NCOR2: variants seen among roughly 807,000 people sequenced by gnomAD.
NCOR2 encodes the protein nuclear receptor corepressor 2, also known as CTG repeat protein 26.
A neutral mutation model predicts 262.9 loss-of-function variants in NCOR2; 81 were observed. That is an observed-to-expected ratio of 0.31 (90% CI 0.26 to 0.37). The LOEUF is 0.37. NCOR2 is among the 10% of genes least tolerant of loss of function. The pLI is 1.00. For missense variants in NCOR2, 3,385 were observed against 3,621.4 expected (o/e 0.93, Z 1.68); for synonymous variants, 1,659 against 1,559.3 (o/e 1.06, Z -1.51).
At chr12:124,484,880 AGTAG>A (rs1268928016) in intron 2 of NCOR2, among the ~76,000 whole-genome samples, 1 of 152,194 alleles carries the variant, frequency 6.6e-6, no homozygotes, top group Non-Finnish European at 1.5e-5. Context: ...ACTGGCGCAC[AGTAG>A]GTGTTCAATC....
intron 15 of NCOR2, among the ~76,000 whole-genome samples, chr12:124,399,031 G>A (rs1003991367): frequency 1.3e-5 from 2 of 152,278 alleles, no homozygotes; most frequent in East Asian, 1.9e-4. Flanking sequence ...TGCGAGGGAC[G>A]TCAGCTCCAT....
intron 12 of NCOR2, 135 bp from the exon 15 acceptor site, chr12:124,420,190 C>T: frequency 3.1e-6 from 2 of 635,842 alleles, no homozygotes; most frequent in South Asian, 3.6e-5. Flanking sequence ...GATGACCTAA[C>T]CTCTGTGTCT....
At chr12:124,393,864 A>G (rs983455417) in intron 16 of NCOR2, among the ~76,000 whole-genome samples, 3 of 152,282 alleles carry the variant, frequency 2.0e-5, no homozygotes, top group African/African-American at 7.2e-5. Flanking sequence ...CCCAGCACGC[A>G]GGATGGGCTC....
intron 42 of NCOR2, among the ~76,000 whole-genome samples, 170 bp downstream of exon 44, chr12:124,332,960 G>A (rs923922107): frequency 6.6e-6 from 1 of 152,118 alleles, no homozygotes; most frequent in Non-Finnish European, 1.5e-5. Flanking sequence ...AGGGAGGGTG[G>A]GCATGTATCA....
At chr12:124,346,423 G>A (rs2036938043) in intron 31 of NCOR2, 141 bp downstream of exon 33, 16 of 933,614 alleles carry the variant, frequency 1.7e-5, no homozygotes, top group African/African-American at 5.2e-5. Flanking sequence ...GCTGAGGCCC[G>A]GTGATGAGCA....
At chr12:124,418,800 C>A (rs570531873) in intron 13 of NCOR2, among the ~76,000 whole-genome samples, 3 of 152,328 alleles carry the variant, frequency 2.0e-5, no homozygotes, top group Middle Eastern at 6.8e-3. Flanking sequence ...AAAAGCTGGT[C>A]CCTCCAGTCC....
Position 124,495,075 on chromosome 12 carries a change from G to A in NCOR2, c.105+72C>T, listed in dbSNP as rs1219848994. On this transcript the variant is annotated intron_variant, in intron 1 of 46. Transcript: ENST00000405201. The surrounding 1 kb of genome is among the most constrained non-coding windows in gnomAD (Gnocchi z 4.4). ...AGCCTGGCTCCCAGGAGAAAGGAAG[G>A]GGTGAAGACTCAGTGGAATGGAAGA... is the stretch of plus-strand genomic sequence containing the variant. The A allele has an allele frequency of 1.3e-6, 2 of 1,551,074 alleles. No individual in the cohort carries two copies. Among genetic ancestry groups the A allele is most frequent in the African/African-American group, 2.7e-5 (2 of 73,324 alleles).
chr12:124,479,245 C>T (rs1392371862), intron 3 of NCOR2, among the ~76,000 whole-genome samples: 1 of 150,208 alleles, frequency 6.7e-6, no homozygotes, highest in Non-Finnish European at 1.5e-5. Context: ...TGCACATGCA[C>T]ACACACGCAC....
At chr12:124,366,429 G>A (rs1285223270) in intron 20 of NCOR2, among the ~76,000 whole-genome samples, 3 of 152,186 alleles carry the variant, frequency 2.0e-5, no homozygotes. Context: ...TGCCAGGGCT[G>A]GGAGGAGGGA....
At chr12:124,383,163 G>A (rs2040537111) in intron 17 of NCOR2, among the ~76,000 whole-genome samples, 1 of 152,224 alleles carries the variant, frequency 6.6e-6, no homozygotes, top group African/African-American at 2.4e-5. Flanking sequence ...GCCACCCAGT[G>A]TATTCCCATA....
At chr12:124,446,800 AATT>A (rs2136477623) in intron 7 of NCOR2, among the ~76,000 whole-genome samples, 1 of 152,350 alleles carries the variant, frequency 6.6e-6, no homozygotes, top group South Asian at 2.1e-4. Context: ...AAAAAACTAA[AATT>A]ATTAGGACAA....
Position 124,326,375 on chromosome 12 carries a change from A to C in NCOR2, c.7184-5T>G. ...CCTTGGCCTTCCCGCCGCCACCTGC[A>C]GGGGGACAAGATGGGAAGGGGCTGC... On this transcript the variant is annotated splice_region_variant and splice_polypyrimidine_tract_variant and intron_variant, in intron 45 of 46. Transcript: ENST00000405201. 6.7e-7 allele frequency: 1 copy of C among 1,487,244 alleles called. No homozygotes were observed. Among genetic ancestry groups the C allele is most frequent in the Non-Finnish European group, 8.9e-7 (1 of 1,124,054 alleles). The allele number at this position is 1,487,244 out of a possible 1,614,324, so 92.1% of individuals were successfully genotyped here.
At chr12:124,473,238 A>G (rs952545343) in intron 3 of NCOR2, 107 bp from the exon 6 acceptor site, 1 of 1,307,460 alleles carries the variant, frequency 7.6e-7, no homozygotes. Flanking sequence ...GAAGGAGGCA[A>G]AGTATTGATC....
chr12:124,391,200 G>A (rs943751676), intron 16 of NCOR2, among the ~76,000 whole-genome samples: 1 of 152,124 alleles, frequency 6.6e-6, no homozygotes, highest in African/African-American at 2.4e-5. Flanking sequence ...CCACACCACC[G>A]CCCACCTGCA....
At chr12:124,344,915 T>C (rs2036784079) in exon 32 of NCOR2, 1 of 1,571,300 alleles carries the variant, frequency 6.4e-7, no homozygotes, top group Non-Finnish European at 8.6e-7. Flanking sequence ...TTGGAGCCAG[T>C]GGTGGACGCG....
chr12:124,530,555 A>C (rs991361193), intron 1 of NCOR2, among the ~76,000 whole-genome samples: 4 of 152,130 alleles, frequency 2.6e-5, no homozygotes, highest in African/African-American at 9.7e-5. Flanking sequence ...CTCACTTCTA[A>C]ATCAGTCTGC....
chr12:124,332,185 G>A (rs772486923), intron 43 of NCOR2, 134 bp downstream of exon 45: 2 of 1,086,504 alleles, frequency 1.8e-6, no homozygotes, highest in Non-Finnish European at 2.6e-6. Flanking sequence ...GGCCTGGGGG[G>A]AGGTGGTCAG....
chr12:124,493,630 T>C (rs1170060081), intron 1 of NCOR2, among the ~76,000 whole-genome samples: 1 of 152,128 alleles, frequency 6.6e-6, no homozygotes, highest in Non-Finnish European at 1.5e-5. Flanking sequence ...CACACAACCA[T>C]ATACACTCAG....
chr12:124,409,180 G>T (rs1043984641), intron 13 of NCOR2, among the ~76,000 whole-genome samples: 2 of 152,254 alleles, frequency 1.3e-5, no homozygotes, highest in Non-Finnish European at 2.9e-5. Flanking sequence ...AGGCTCTGTT[G>T]TAAATCCTAA....
Sources: gnomAD v4.1 joint callset for allele counts (sites outside exome capture counted in the v4.1 genomes callset) on GRCh38, gnomAD v4.1.1 for gene constraint, Gnocchi (gnomAD v3.1) non-coding constraint, MANE v1.5 for transcripts, NCBI Gene and HGNC (gene_info 2026-07-23, HGNC 2026-07-21) for gene names.